The following TACC2 variants were observed in gnomAD, a reference collection of about 807,000 sequenced individuals.
TACC2 encodes transforming acidic coiled-coil-containing protein 2.
Under a neutral mutation model 227.3 loss-of-function variants are expected in TACC2, and 137 were observed. The observed-to-expected ratio is 0.60, with a 90% confidence interval of 0.52 to 0.69. The LOEUF (loss-of-function observed/expected upper bound fraction) is 0.69, where lower values mean the gene tolerates loss of function less well. Ranked by LOEUF, TACC2 falls within the 30% of genes least tolerant of loss-of-function variation. The pLI is 0.00. For synonymous variants in TACC2, 1,523 were observed against 1,487.5 expected, an observed-to-expected ratio of 1.02 and a Z score of -0.55; for missense variants, 3,470 against 3,694.4, an observed-to-expected ratio of 0.94 and a Z score of 1.57.
intron 1 of TACC2, among the ~76,000 whole-genome samples, chr10:122,002,814 T>C (rs2135120035): frequency 6.6e-6 from 1 of 152,342 alleles, no homozygotes; most frequent in South Asian, 2.1e-4. Context: ...TTACAATGGT[T>C]ATTTCCCTCT....
chr10:122,152,960 G>A (rs2092193587), intron 7 of TACC2, among the ~76,000 whole-genome samples: 1 of 150,944 alleles, frequency 6.6e-6, no homozygotes, highest in Non-Finnish European at 1.5e-5. Flanking sequence ...TATGTACCAG[G>A]CACTGAGAGC....
At chr10:122,072,032 G>A (rs1181705461) in intron 3 of TACC2, among the ~76,000 whole-genome samples, 1 of 136,538 alleles carries the variant, frequency 7.3e-6, no homozygotes, top group Admixed American at 7.7e-5. Context: ...AGGTTGGAGT[G>A]CAGTGGCGCG....
At chr10:122,040,791 A>G (rs2074159857) in intron 2 of TACC2, among the ~76,000 whole-genome samples, 1 of 152,238 alleles carries the variant, frequency 6.6e-6, no homozygotes, top group South Asian at 2.1e-4. Context: ...GATCAATGCT[A>G]TGAAGCAAGA....
chr10:121,991,457 A>G (rs1454276549), intron 1 of TACC2, among the ~76,000 whole-genome samples: 2 of 152,270 alleles, frequency 1.3e-5, no homozygotes, highest in African/African-American at 4.8e-5. Context: ...GAAATAAAAT[A>G]ACATTAATCA....
chr10:122,085,316 A>C lies in TACC2; in HGVS notation c.2816A>C (p.Gln939Pro). The stretch of plus-strand genomic sequence containing the variant: ...TCAGAATTGTCAGCACCAACGAGAC[A>C]GAAGTTGCCTGCACTAGGGGAGAAG... ...EESELSAPTR[Q>P]KLPALGEKRP... The change falls in exon 4 of 23, where the codon CAG (glutamine) becomes CCG (proline). Residue 939 changes from glutamine (Q) to proline (P), a missense_variant. This residue lies in a region of TACC2 where 1,924 missense variants were observed against 1,978.3 expected (regional missense o/e 0.97). Coordinates refer to ENST00000369005, the MANE Select transcript of TACC2 (RefSeq NM_206862.4). 6.2e-7 allele frequency: 1 copy of C among 1,614,090 alleles called. No homozygotes were observed. Among genetic ancestry groups the C allele is most frequent in the Non-Finnish European group, 8.5e-7 (1 of 1,180,046 alleles).
chr10:122,227,740 G>T, intron 13 of TACC2, 97 bp from the exon 14 acceptor site: 1 of 1,358,368 alleles, frequency 7.4e-7, no homozygotes, highest in Non-Finnish European at 1.0e-6. Flanking sequence ...GGAAGTCCAG[G>T]ATTCCTTGTG....
At chr10:122,132,852 C>A in intron 6 of TACC2, 118 bp downstream of exon 6, 1 of 1,038,096 alleles carries the variant, frequency 9.6e-7, no homozygotes, top group Non-Finnish European at 1.4e-6. Flanking sequence ...GTTTCACCCC[C>A]TCTGCACACA....
intron 3 of TACC2, among the ~76,000 whole-genome samples, chr10:122,057,502 A>G (rs1472980206): frequency 1.3e-5 from 2 of 151,916 alleles, no homozygotes. Flanking sequence ...ACCCTAAAGA[A>G]GCCTTAAAAA....
chr10:121,992,059 C>T (rs567668295), intron 1 of TACC2, among the ~76,000 whole-genome samples: 43 of 152,320 alleles, frequency 2.8e-4, no homozygotes, highest in Non-Finnish European at 5.0e-4. Flanking sequence ...CAGGTCCTTC[C>T]TGCAACAAGT....
chr10:122,225,934 C>A (rs1589736511), intron 12 of TACC2, among the ~76,000 whole-genome samples: 1 of 152,194 alleles, frequency 6.6e-6, no homozygotes, highest in Non-Finnish European at 1.5e-5. Context: ...TGTTTCTAGT[C>A]CAGCTGAGTT....
At chr10:122,173,827 A>G (rs1382295993) in intron 7 of TACC2, among the ~76,000 whole-genome samples, 1 of 152,168 alleles carries the variant, frequency 6.6e-6, no homozygotes, top group Non-Finnish European at 1.5e-5. Flanking sequence ...TGAGCCTGCT[A>G]TGGAGCACAC....
At chr10:122,181,914 A>C (rs569426693) in intron 7 of TACC2, among the ~76,000 whole-genome samples, 2 of 152,326 alleles carry the variant, frequency 1.3e-5, no homozygotes, top group South Asian at 4.1e-4. Context: ...AGAAGAAAGG[A>C]ACAAAAGATT....
At chr10:122,191,821 T>G (rs2140480576) in intron 7 of TACC2, among the ~76,000 whole-genome samples, 1 of 152,372 alleles carries the variant, frequency 6.6e-6, no homozygotes, top group East Asian at 1.9e-4. Context: ...TTTCTTTTCT[T>G]TCATTTTTAA....
chr10:122,232,407 A>G (rs1476103842), intron 16 of TACC2, among the ~76,000 whole-genome samples: 3 of 152,154 alleles, frequency 2.0e-5, no homozygotes, highest in African/African-American at 7.2e-5. Context: ...GCCAGAGATG[A>G]CTGTTGGCAA....
At chr10:122,081,013 T>C (rs1176464473) in intron 3 of TACC2, among the ~76,000 whole-genome samples, 4 of 152,208 alleles carry the variant, frequency 2.6e-5, no homozygotes, top group Non-Finnish European at 5.9e-5. Flanking sequence ...GGAATTTCTC[T>C]TGTTAATAGA....
chr10:122,097,222 A>C (rs2081543867), intron 5 of TACC2, among the ~76,000 whole-genome samples: 1 of 151,646 alleles, frequency 6.6e-6, no homozygotes, highest in African/African-American at 2.4e-5. Context: ...CCAGCTATTC[A>C]GGAGGCTGAG....
intron 2 of TACC2, among the ~76,000 whole-genome samples, chr10:122,027,635 G>A (rs1246046588): frequency 6.6e-6 from 1 of 152,120 alleles, no homozygotes; most frequent in Non-Finnish European, 1.5e-5. Context: ...ATCAGGTACA[G>A]TGAGTCTTCT....
intron 11 of TACC2, among the ~76,000 whole-genome samples, chr10:122,217,801 T>C (rs1196961518): frequency 6.6e-6 from 1 of 152,034 alleles, no homozygotes; most frequent in Non-Finnish European, 1.5e-5. Flanking sequence ...GATGACCCCA[T>C]TGCCCTGACC....
chr10:122,130,752 G>A (rs1045923913), intron 5 of TACC2, among the ~76,000 whole-genome samples: 12 of 152,328 alleles, frequency 7.9e-5, no homozygotes, highest in African/African-American at 2.6e-4. Context: ...TGTAAAGTGT[G>A]TTTAATAATC....
Sources: gnomAD v4.1 joint callset for allele counts (sites outside exome capture counted in the v4.1 genomes callset) on GRCh38, gnomAD v4.1.1 for gene constraint, gnomAD v4.1.1 regional missense constraint, MANE v1.5 for transcripts, NCBI Gene and HGNC (gene_info 2026-07-23, HGNC 2026-07-21) for gene names.